Variants in ADAMTS18 observed in about 807,000 individuals in gnomAD.
The protein encoded by ADAMTS18 is ADAM metallopeptidase with thrombospondin type 1 motif 18.
ADAMTS18 carries 157 observed loss-of-function variants against 165.9 expected under a neutral mutation model. The observed-to-expected ratio is 0.95, with a 90% CI of 0.83 to 1.08. The LOEUF (loss-of-function observed/expected upper bound fraction) is 1.08, where lower values mean the gene tolerates loss of function less well. ADAMTS18 is among the 50% of genes least tolerant of loss of function. ADAMTS18 has a pLI of 0.00. For synonymous variants in ADAMTS18, 782 were observed against 578.2 expected, an observed-to-expected ratio of 1.35 and a Z score of -5.06; for missense variants, 2,040 against 1,534.0, an observed-to-expected ratio of 1.33 and a Z score of -5.51.
At chr16:77,328,464 C>G (rs1487761338) in intron 12 of ADAMTS18, among the ~76,000 whole-genome samples, 1 of 152,202 alleles carries the variant, frequency 6.6e-6, no homozygotes, top group African/African-American at 2.4e-5. Flanking sequence ...CCTCCTATAA[C>G]TGCACGCTAA....
intron 10 of ADAMTS18, among the ~76,000 whole-genome samples, chr16:77,349,360 C>T (rs2056521930): frequency 6.6e-6 from 1 of 151,984 alleles, no homozygotes; most frequent in South Asian, 2.1e-4. Context: ...TTCACCATGG[C>T]AATGGAAATT....
intron 3 of ADAMTS18, among the ~76,000 whole-genome samples, chr16:77,395,547 C>G (rs1023671219): frequency 1.3e-5 from 2 of 152,172 alleles, no homozygotes; most frequent in African/African-American, 4.8e-5. Context: ...GTTCACTCCC[C>G]ATAAAGCATA....
chr16:77,388,240 T>C (rs923396147), intron 3 of ADAMTS18, among the ~76,000 whole-genome samples: 3 of 152,140 alleles, frequency 2.0e-5, no homozygotes, highest in Non-Finnish European at 4.4e-5. Flanking sequence ...GCTGAGATTA[T>C]AGGTCCCTGC....
chr16:77,367,812 C>A, intron 3 of ADAMTS18, 89 bp from the exon 4 acceptor site: 11 of 1,490,398 alleles, frequency 7.4e-6, no homozygotes, highest in Non-Finnish European at 1.0e-5. Flanking sequence ...TGACTAATTC[C>A]TGTATGTGGG....
At chr16:77,410,610 G>C (rs2057449574) in intron 3 of ADAMTS18, among the ~76,000 whole-genome samples, 1 of 152,160 alleles carries the variant, frequency 6.6e-6, no homozygotes, top group Admixed American at 6.5e-5. Context: ...TATTTGTTGA[G>C]TCCTGGGACT....
At chr16:77,434,036 T>G (rs895961705) in intron 2 of ADAMTS18, among the ~76,000 whole-genome samples, 3 of 152,130 alleles carry the variant, frequency 2.0e-5, no homozygotes, top group Non-Finnish European at 1.5e-5. Flanking sequence ...AGGCTCACAT[T>G]CTTTCATCTC....
chr16:77,364,093 C>A lies in ADAMTS18; in HGVS notation c.972+95G>T. The A allele has an allele frequency of 2.0e-6, 3 of 1,511,694 alleles. No homozygotes were observed. In the South Asian group the frequency reaches 3.4e-5, roughly 17 times the overall value. 93.6% of individuals were successfully genotyped at this position (1,511,694 alleles called of 1,614,324 possible). On this transcript the variant is annotated intron_variant, in intron 5 of 22. Coordinates refer to ENST00000282849, the MANE Select transcript of ADAMTS18 (RefSeq NM_199355.4). The stretch of plus-strand genomic sequence containing the variant: ...GGCAGAAACTGCAATTACATTTGCA[C>A]CGACCTAATACACCTGCTATTCAAC...
At chr16:77,341,967 T>C (rs2056405205) in intron 10 of ADAMTS18, among the ~76,000 whole-genome samples, 168 bp from the exon 11 acceptor site, 1 of 152,216 alleles carries the variant, frequency 6.6e-6, no homozygotes, top group Non-Finnish European at 1.5e-5. Flanking sequence ...TATGTTTTAG[T>C]AACTATATAA....
chr16:77,288,762 T>C (rs2055304524), intron 22 of ADAMTS18, among the ~76,000 whole-genome samples: 1 of 152,146 alleles, frequency 6.6e-6, no homozygotes, highest in Non-Finnish European at 1.5e-5. Flanking sequence ...AAATTAATAA[T>C]GGTTAAAAAG....
chr16:77,366,945 T>G (rs1217670049), intron 4 of ADAMTS18, among the ~76,000 whole-genome samples: 1 of 152,206 alleles, frequency 6.6e-6, no homozygotes, highest in Admixed American at 6.5e-5. Context: ...TATTTAAGGC[T>G]CGTGTTACAT....
At chr16:77,366,775 C>T (rs1025877417) in intron 4 of ADAMTS18, among the ~76,000 whole-genome samples, 2 of 152,102 alleles carry the variant, frequency 1.3e-5, no homozygotes, top group Admixed American at 1.3e-4. Context: ...ATTTCCAAAA[C>T]TTAACAGGAA....
At chr16:77,340,092 A>T (rs966419836) in intron 11 of ADAMTS18, among the ~76,000 whole-genome samples, 1 of 152,208 alleles carries the variant, frequency 6.6e-6, no homozygotes, top group Non-Finnish European at 1.5e-5. Flanking sequence ...CCCGACAGCA[A>T]CTACTGCTTA....
intron 3 of ADAMTS18, among the ~76,000 whole-genome samples, chr16:77,408,658 C>T (rs1327948432): frequency 6.6e-6 from 1 of 152,112 alleles, no homozygotes; most frequent in African/African-American, 2.4e-5. Flanking sequence ...CAAAACTAAC[C>T]TTCAGTGACA....
chr16:77,313,226 T>A (rs2173751), intron 16 of ADAMTS18, among the ~76,000 whole-genome samples: 76,961 of 151,550 alleles, frequency 0.51, 20,264 homozygotes, highest in African/African-American at 0.54. Flanking sequence ...TTCTCACTCA[T>A]AGGTGGGAAT....
intron 21 of ADAMTS18, 189 bp downstream of exon 21, chr16:77,291,077 G>GA (rs2055353048): frequency 1.6e-6 from 1 of 621,198 alleles, no homozygotes; most frequent in Non-Finnish European, 2.8e-6. Context: ...TTCTAGATGT[G>GA]AAAACTGAGG....
At chr16:77,415,003 G>C (rs2057511438) in intron 3 of ADAMTS18, among the ~76,000 whole-genome samples, 1 of 152,202 alleles carries the variant, frequency 6.6e-6, no homozygotes. Context: ...GGCAGACACA[G>C]AGAGGTGAGT....
chr16:77,362,171 C>G lies in ADAMTS18; in HGVS notation c.1150G>C (p.Asp384His). Residue 384 changes from aspartate to histidine, a missense_variant, in exon 7 of 23, where the codon GAT (aspartate) becomes CAT (histidine). Asp to His is a moderately conservative substitution (Grantham distance 81). Transcript: ENST00000282849. ...AATCCTGTTAGTAAGATGGCATGAT[C>G]ATGTCTCTTGCCATTCTTTCCAATG... Reference protein sequence around the residue: ...ALIGKNGKRHDHAILLTGFDI... With the variant: ...ALIGKNGKRHHHAILLTGFDI... The G allele has an allele frequency of 6.2e-7, 1 of 1,614,090 alleles. No homozygotes were observed.
intron 16 of ADAMTS18, among the ~76,000 whole-genome samples, chr16:77,312,061 TG>T (rs1337030882): frequency 2.0e-5 from 3 of 152,156 alleles, no homozygotes. Context: ...TTCGTTTTTA[TG>T]ATTTTATTTA....
At chr16:77,422,611 G>C (rs1329155197) in intron 3 of ADAMTS18, among the ~76,000 whole-genome samples, 1 of 150,886 alleles carries the variant, frequency 6.6e-6, no homozygotes, top group Non-Finnish European at 1.5e-5. Context: ...GAAGAAAGGA[G>C]AGAAAAAAGG....
Sources: allele counts gnomAD v4.1 joint callset (sites outside exome capture counted in the v4.1 genomes callset), GRCh38; gene constraint gnomAD v4.1.1; transcripts MANE v1.5; gene names NCBI Gene and HGNC (gene_info 2026-07-23, HGNC 2026-07-21).